The following SORCS2 variants were observed in gnomAD, a reference collection of about 807,000 sequenced individuals.
SORCS2 encodes the protein VPS10 domain-containing receptor SorCS2.
Under a neutral mutation model 141.6 loss-of-function variants are expected in SORCS2, and 100 were observed. The ratio of observed to expected loss-of-function variants is 0.71; its 90% CI spans 0.60 to 0.83. The LOEUF (loss-of-function observed/expected upper bound fraction) is 0.83. Ranked by LOEUF, SORCS2 falls within the 40% of genes least tolerant of loss-of-function variation. SORCS2 has a pLI of 0.00. For missense variants in SORCS2, 1,646 were observed against 1,560.2 expected, an observed-to-expected ratio of 1.05 and a Z score of -0.93; for synonymous variants, 789 against 676.9, an observed-to-expected ratio of 1.17 and a Z score of -2.57.
At chr4:7,413,470 T>G (rs538211746) in intron 2 of SORCS2, among the ~76,000 whole-genome samples, 50 of 141,112 alleles carry the variant, frequency 3.5e-4, no homozygotes, top group African/African-American at 1.1e-3. Context: ...CTTGGCTCAC[T>G]GCAACCTCCA....
chr4:7,682,617 A>G, intron 9 of SORCS2, 126 bp from the exon 10 acceptor site: 1 of 914,554 alleles, frequency 1.1e-6, no homozygotes, highest in Admixed American at 2.7e-5. Flanking sequence ...CAGCTGCTGG[A>G]CATTGTGACT....
intron 2 of SORCS2, among the ~76,000 whole-genome samples, chr4:7,506,045 CCTCT>C (rs770323718): frequency 3.3e-5 from 5 of 152,074 alleles, no homozygotes; most frequent in South Asian, 4.2e-4. Flanking sequence ...GGGTTCAGTC[CCTCT>C]CTCTATAGGG....
chr4:7,681,036 G>A (rs936901918), intron 9 of SORCS2, among the ~76,000 whole-genome samples: 2 of 152,242 alleles, frequency 1.3e-5, no homozygotes, highest in African/African-American at 4.8e-5. Flanking sequence ...TTGATCTGGT[G>A]ATATTTAGAT....
At chr4:7,235,760 T>G (rs1369479966) in intron 1 of SORCS2, among the ~76,000 whole-genome samples, 1 of 152,170 alleles carries the variant, frequency 6.6e-6, no homozygotes, top group Admixed American at 6.5e-5. Context: ...GAGCACTTAG[T>G]GGGCAGAGAG....
chr4:7,318,810 T>A (rs769316956), intron 1 of SORCS2, among the ~76,000 whole-genome samples: 1 of 152,168 alleles, frequency 6.6e-6, no homozygotes, highest in Admixed American at 6.5e-5. Flanking sequence ...ACTTATATAA[T>A]CATATCAATA....
intron 8 of SORCS2, among the ~76,000 whole-genome samples, chr4:7,671,688 A>T (rs1280922833): frequency 6.6e-6 from 1 of 152,228 alleles, no homozygotes; most frequent in Admixed American, 6.5e-5. Flanking sequence ...AAGGATTGAA[A>T]GTGAACGCAG....
chr4:7,606,243 A>G (rs1378033880), intron 3 of SORCS2, among the ~76,000 whole-genome samples: 1 of 152,200 alleles, frequency 6.6e-6, no homozygotes, highest in Admixed American at 6.5e-5. Context: ...AGCTCCTGTA[A>G]ATAACAATTT....
rs76743626 is a variant in SORCS2 at position 7,399,646 on chromosome 4, T to A, written c.548+3291T>A. On this transcript the variant is annotated intron_variant, in intron 2 of 26. Transcript: ENST00000507866. ...GCACCATTCTTCCCTGGAAAGCCCC[T>A]GGTTGGCATCAGGGTTTGAAGTGTG... Among the ~76,000 whole-genome samples, 9 of 152,252 alleles carry A rather than the reference T, an allele frequency of 5.9e-5. No individual in the cohort carries two copies. The East Asian group carries it at 1.7e-3, about 29-fold the overall frequency.
rs539650347 is a variant in SORCS2, at chr4:7,462,161, A to T, written c.548+65806A>T. On this transcript the variant is annotated intron_variant, in intron 2 of 26. Transcript: ENST00000507866. The stretch of plus-strand genomic sequence containing the variant: ...CTCTTCCCTGGGCTCCGAGGTGGGG[A>T]GACGAGCTGACATTTGTTAAGGCTG... 6.6e-5 allele frequency among the ~76,000 whole-genome samples: 10 copies of T among 152,276 alleles called. No individual in the cohort carries two copies. In the East Asian group the frequency reaches 7.7e-4, roughly 12 times the overall value.
intron 2 of SORCS2, among the ~76,000 whole-genome samples, chr4:7,463,411 A>G (rs1357462085): frequency 1.3e-5 from 2 of 152,150 alleles, no homozygotes; most frequent in African/African-American, 4.8e-5. Flanking sequence ...AAGGGGATTT[A>G]AAAAGGAGAC....
At chr4:7,381,097 A>C (rs1722967557) in intron 1 of SORCS2, among the ~76,000 whole-genome samples, 1 of 151,724 alleles carries the variant, frequency 6.6e-6, no homozygotes, top group South Asian at 2.1e-4. Context: ...AAAAAAAAAA[A>C]AGGAGTGGGT....
chr4:7,500,558 TGCCG>T (rs1386993279), intron 2 of SORCS2, among the ~76,000 whole-genome samples: 19 of 120,690 alleles, frequency 1.6e-4, no homozygotes, highest in South Asian at 1.1e-3. Flanking sequence ...GATGTCAGTG[TGCCG>T]GCTGGAGAAA....
At chr4:7,517,515 G>T (rs1311088136) in intron 2 of SORCS2, among the ~76,000 whole-genome samples, 3 of 152,088 alleles carry the variant, frequency 2.0e-5, no homozygotes, top group Non-Finnish European at 4.4e-5. Flanking sequence ...AGCAGAAACC[G>T]AATACAGTCA....
At chr4:7,521,272 C>T (rs1313917889) in intron 2 of SORCS2, among the ~76,000 whole-genome samples, 1 of 152,130 alleles carries the variant, frequency 6.6e-6, no homozygotes, top group African/African-American at 2.4e-5. Flanking sequence ...GGGTTCAGAT[C>T]CTGCTGCCTT....
intron 4 of SORCS2, among the ~76,000 whole-genome samples, chr4:7,647,845 G>A (rs997771202): frequency 6.6e-6 from 1 of 152,252 alleles, no homozygotes; most frequent in Admixed American, 6.5e-5. Flanking sequence ...CCTGCCATGG[G>A]AAGCCTGCAT....
At chr4:7,639,091 G>A (rs1375395782) in intron 4 of SORCS2, among the ~76,000 whole-genome samples, 1 of 152,172 alleles carries the variant, frequency 6.6e-6, no homozygotes, top group Non-Finnish European at 1.5e-5. Flanking sequence ...TTCTGAGGCT[G>A]TGGAGGGAGA....
chr4:7,255,447 G>A (rs1713790682), intron 1 of SORCS2, among the ~76,000 whole-genome samples: 1 of 152,170 alleles, frequency 6.6e-6, no homozygotes, highest in South Asian at 2.1e-4. Flanking sequence ...GAGTGTGGGA[G>A]GCAGGAATGG....
intron 1 of SORCS2, among the ~76,000 whole-genome samples, chr4:7,373,863 T>G (rs1252393822): frequency 6.6e-6 from 1 of 152,160 alleles, no homozygotes; most frequent in Non-Finnish European, 1.5e-5. Flanking sequence ...AGTCTGTGGC[T>G]TTTCCATTTC....
At chr4:7,236,960 G>T (rs1451534424) in intron 1 of SORCS2, among the ~76,000 whole-genome samples, 1 of 152,234 alleles carries the variant, frequency 6.6e-6, no homozygotes, top group African/African-American at 2.4e-5. Flanking sequence ...CCTTGGGGGA[G>T]TCCCAGGGCT....
Sources: allele counts gnomAD v4.1 joint callset (sites outside exome capture counted in the v4.1 genomes callset), GRCh38; gene constraint gnomAD v4.1.1; transcripts MANE v1.5; gene names NCBI Gene and HGNC (gene_info 2026-07-23, HGNC 2026-07-21).